Variants in SCPPPQ1 observed in about 807,000 individuals in gnomAD.
The protein encoded by SCPPPQ1 is secretory calcium-binding phosphoprotein proline- and glutamine-rich 1.
At chr4:87,463,256 T>C in the SCPPPQ1 span, among the ~76,000 whole-genome samples, 2 of 151,734 alleles carry the variant, frequency 1.3e-5, no homozygotes, top group African/African-American at 4.8e-5. Flanking sequence ...GCATTGAATA[T>C]AACTTACCTT....
chr4:87,466,572 C>T, the SCPPPQ1 span, among the ~76,000 whole-genome samples: 3 of 152,004 alleles, frequency 2.0e-5, no homozygotes, highest in Non-Finnish European at 4.4e-5. Flanking sequence ...AGTTTAGTGA[C>T]AAATTTTTAA....
At chr4:87,463,751 A>C in the SCPPPQ1 span, among the ~76,000 whole-genome samples, 1 of 152,220 alleles carries the variant, frequency 6.6e-6, no homozygotes. Flanking sequence ...CTTCCATACA[A>C]GTCCCATCTT....
At chr4:87,465,559 CAAAAAAAAAAAAAAAAAAA>C in the SCPPPQ1 span, among the ~76,000 whole-genome samples, 1 of 98,310 alleles carries the variant, frequency 1.0e-5, no homozygotes, top group Non-Finnish European at 2.0e-5. Context: ...TAGAAATCTA[CAAAAAAAAAAAAAAAAAAA>C]AAAAAAAAAA....
chr4:87,469,049 T>C, the SCPPPQ1 span, among the ~76,000 whole-genome samples: 1 of 152,242 alleles, frequency 6.6e-6, no homozygotes, highest in Non-Finnish European at 1.5e-5. Flanking sequence ...GTAATCAATG[T>C]AAGTTATCTT....
chr4:87,468,516 A>G, the SCPPPQ1 span, among the ~76,000 whole-genome samples: 1 of 152,214 alleles, frequency 6.6e-6, no homozygotes, highest in Non-Finnish European at 1.5e-5. Flanking sequence ...TAGTAAACCC[A>G]GATTAGACTC....
chr4:87,460,964 CTG>C, the SCPPPQ1 span: 5 of 152,556 alleles, frequency 3.3e-5, no homozygotes, highest in Non-Finnish European at 7.4e-5. Flanking sequence ...CTTCTGATAA[CTG>C]TAAATATCCA....
chr4:87,466,575 A>AT, the SCPPPQ1 span, among the ~76,000 whole-genome samples: 1 of 152,216 alleles, frequency 6.6e-6, no homozygotes, highest in African/African-American at 2.4e-5. Flanking sequence ...TTAGTGACAA[A>AT]TTTTTAAAAG....
chr4:87,463,108 C>T, the SCPPPQ1 span, among the ~76,000 whole-genome samples: 19 of 151,202 alleles, frequency 1.3e-4, no homozygotes, highest in African/African-American at 4.4e-4. Context: ...TAAAAAATAC[C>T]TTTTTAGACT....
At chr4:87,468,465 G>A in the SCPPPQ1 span, among the ~76,000 whole-genome samples, 1 of 152,128 alleles carries the variant, frequency 6.6e-6, no homozygotes, top group Non-Finnish European at 1.5e-5. Context: ...AGTGTGCAGG[G>A]GAGAGAGTTT....
the SCPPPQ1 span, among the ~76,000 whole-genome samples, chr4:87,468,673 A>C: frequency 6.6e-6 from 1 of 152,240 alleles, no homozygotes; most frequent in Non-Finnish European, 1.5e-5. Flanking sequence ...CAAAAAAGAA[A>C]AGCGCTGCTG....
chr4:87,465,586 A>G, the SCPPPQ1 span, among the ~76,000 whole-genome samples: 17 of 147,082 alleles, frequency 1.2e-4, no homozygotes, highest in Admixed American at 8.0e-4. Flanking sequence ...AAAAAAAAAA[A>G]AAGTAAATTG....
At chr4:87,464,372 C>A in the SCPPPQ1 span, among the ~76,000 whole-genome samples, 34 of 151,890 alleles carry the variant, frequency 2.2e-4, no homozygotes, top group Non-Finnish European at 4.0e-4. Flanking sequence ...GTACCCCCCC[C>A]CAACCCCAAA....
chr4:87,461,509 C>T, the SCPPPQ1 span, among the ~76,000 whole-genome samples: 1 of 152,124 alleles, frequency 6.6e-6, no homozygotes, highest in East Asian at 1.9e-4. Flanking sequence ...GTAATTTTGG[C>T]CCAAAGATAG....
the SCPPPQ1 span, among the ~76,000 whole-genome samples, chr4:87,463,537 G>T: frequency 6.6e-6 from 1 of 152,058 alleles, no homozygotes; most frequent in South Asian, 2.1e-4. Flanking sequence ...AGTATACTTT[G>T]TATACAAAAA....
the SCPPPQ1 span, among the ~76,000 whole-genome samples, chr4:87,469,890 C>T: frequency 6.6e-6 from 1 of 151,548 alleles, no homozygotes. Context: ...ACAGTTCGGC[C>T]TATACACTGT....
At chr4:87,465,680 C>T in the SCPPPQ1 span, among the ~76,000 whole-genome samples, 1 of 151,868 alleles carries the variant, frequency 6.6e-6, no homozygotes, top group Non-Finnish European at 1.5e-5. Flanking sequence ...ATCCATCCAT[C>T]CCTACAATAT....
At chr4:87,462,473 T>TTTTC in the SCPPPQ1 span, among the ~76,000 whole-genome samples, 7,681 of 150,936 alleles carry the variant, frequency 0.051, 390 homozygotes, top group African/African-American at 0.13. Flanking sequence ...GTCTCCACGT[T>TTTTC]TTTCTTTCTT....
At chr4:87,470,521 A>C in the SCPPPQ1 span, among the ~76,000 whole-genome samples, 199 of 152,320 alleles carry the variant, frequency 1.3e-3, no homozygotes, top group African/African-American at 4.7e-3. Context: ...CAATATGAGT[A>C]AATTCAGATT....
the SCPPPQ1 span, among the ~76,000 whole-genome samples, chr4:87,469,618 T>C: frequency 6.6e-6 from 1 of 152,276 alleles, no homozygotes; most frequent in Non-Finnish European, 1.5e-5. Flanking sequence ...GTGGCAGTGC[T>C]CAAAAGGCCA....
Sources: gnomAD v4.1 joint callset for allele counts (sites outside exome capture counted in the v4.1 genomes callset) on GRCh38, gnomAD v4.1.1 for gene constraint, MANE v1.5 for transcripts, NCBI Gene and HGNC (gene_info 2026-07-23, HGNC 2026-07-21) for gene names.